The following FHIT variants were observed in gnomAD, a reference collection of about 807,000 sequenced individuals.
The protein encoded by FHIT is bis(5'-adenosyl)-triphosphatase.
In FHIT, 19 loss-of-function variants were observed where a neutral mutation model predicts 17.9. The ratio of observed to expected loss-of-function variants is 1.06; its 90% CI spans 0.74 to 1.56. FHIT has a LOEUF of 1.56. Ranked by LOEUF, FHIT falls within the 40% of genes most tolerant of loss-of-function variation. The pLI is 0.00. For synonymous variants in FHIT, 81 were observed against 69.7 expected (o/e 1.16, Z -0.81); for missense variants, 248 against 189.2 (o/e 1.31, Z -1.82).
chr3:60,527,860 G>A (rs1281027876), intron 5 of FHIT, among the ~76,000 whole-genome samples: 1 of 152,190 alleles, frequency 6.6e-6, no homozygotes, highest in Non-Finnish European at 1.5e-5. Flanking sequence ...AAGGTGAAAT[G>A]AACAATGGAA....
intron 1 of FHIT, among the ~76,000 whole-genome samples, chr3:61,210,531 G>A (rs1156918649): frequency 2.0e-5 from 3 of 152,332 alleles, no homozygotes; most frequent in African/African-American, 7.2e-5. Context: ...CAGCCTCGCT[G>A]CCGCCTTGCA....
At chr3:59,756,307 G>A (rs1701215964) in intron 8 of FHIT, among the ~76,000 whole-genome samples, 1 of 152,162 alleles carries the variant, frequency 6.6e-6, no homozygotes, top group African/African-American at 2.4e-5. Context: ...GGGAGGAAAT[G>A]TACCTCCTTC....
intron 8 of FHIT, 25 bp from the exon 9 acceptor site, chr3:59,752,346 G>C: frequency 1.9e-6 from 3 of 1,572,490 alleles, no homozygotes; most frequent in Non-Finnish European, 2.6e-6. Flanking sequence ...AAAGGAAGAG[G>C]CTCTTTCATG....
intron 5 of FHIT, among the ~76,000 whole-genome samples, chr3:60,411,303 T>C (rs1576614057): frequency 6.6e-6 from 1 of 152,138 alleles, no homozygotes; most frequent in East Asian, 1.9e-4. Flanking sequence ...TATTTCAACT[T>C]GGAAATTAAC....
At chr3:60,811,225 C>T (rs1026621440) in intron 4 of FHIT, among the ~76,000 whole-genome samples, 1 of 152,066 alleles carries the variant, frequency 6.6e-6, no homozygotes, top group Admixed American at 6.6e-5. Context: ...CTACCATGAG[C>T]CTTTATTGGA....
At chr3:60,760,270 G>A (rs1174382752) in intron 4 of FHIT, among the ~76,000 whole-genome samples, 3 of 152,180 alleles carry the variant, frequency 2.0e-5, no homozygotes, top group Non-Finnish European at 2.9e-5. Context: ...CATGAAGGCC[G>A]AGGGTGGAAG....
chr3:61,079,765 C>G (rs1377655292), intron 2 of FHIT, among the ~76,000 whole-genome samples: 4 of 151,928 alleles, frequency 2.6e-5, no homozygotes, highest in African/African-American at 7.2e-5. Context: ...AAAATAGAAC[C>G]AAAAAAATGG....
rs191523055 is a variant in FHIT, at chr3:60,305,140, T to A, written c.103+231720A>T. ...AATATTCCTTTTTGTTCTTTTTTTT[T>A]AAACTTTTATAACATGGGACCTGTT... On this transcript the variant is annotated intron_variant, in intron 5 of 9. Transcript: ENST00000492590. 4.1e-3 allele frequency among the ~76,000 whole-genome samples: 623 copies of A among 152,166 alleles called. 1 individual carries two copies. The highest frequency in any genetic ancestry group is 0.024 in the Middle Eastern group (7 of 294).
At chr3:60,242,455 T>C (rs953765941) in intron 5 of FHIT, among the ~76,000 whole-genome samples, 4 of 152,096 alleles carry the variant, frequency 2.6e-5, no homozygotes, top group African/African-American at 4.8e-5. Context: ...ATGTTCTATA[T>C]TCGTGTGTAT....
intron 3 of FHIT, among the ~76,000 whole-genome samples, chr3:60,913,344 A>G (rs1706839023): frequency 6.6e-6 from 1 of 152,212 alleles, no homozygotes; most frequent in South Asian, 2.1e-4. Context: ...CTTTGAATGG[A>G]TGGGCTTGCC....
At chr3:60,258,368 C>T (rs1280091198) in intron 5 of FHIT, among the ~76,000 whole-genome samples, 1 of 152,102 alleles carries the variant, frequency 6.6e-6, no homozygotes, top group Admixed American at 6.6e-5. Context: ...AGCGGCCTCT[C>T]TAAAACTCCA....
At chr3:60,182,426 TA>T (rs1701977574) in intron 5 of FHIT, among the ~76,000 whole-genome samples, 1 of 152,166 alleles carries the variant, frequency 6.6e-6, no homozygotes, top group Non-Finnish European at 1.5e-5. Context: ...TCCTTCATAT[TA>T]GGTTGCATCT....
At chr3:60,696,890 A>G (rs2041124862) in intron 4 of FHIT, among the ~76,000 whole-genome samples, 1 of 152,184 alleles carries the variant, frequency 6.6e-6, no homozygotes, top group South Asian at 2.1e-4. Flanking sequence ...GTTCTGGAAA[A>G]TCAATGATGC....
At chr3:60,578,094 G>T (rs963412104) in intron 4 of FHIT, among the ~76,000 whole-genome samples, 1 of 151,976 alleles carries the variant, frequency 6.6e-6, no homozygotes, top group African/African-American at 2.4e-5. Context: ...ACAGCACAAG[G>T]AACAGACATT....
At chr3:59,783,923 A>T (rs983508338) in intron 8 of FHIT, among the ~76,000 whole-genome samples, 1 of 152,184 alleles carries the variant, frequency 6.6e-6, no homozygotes, top group Non-Finnish European at 1.5e-5. Context: ...TGGTTTGCAG[A>T]CATTATTTCT....
intron 1 of FHIT, among the ~76,000 whole-genome samples, chr3:61,208,544 A>G (rs1232643375): frequency 6.6e-6 from 1 of 152,048 alleles, no homozygotes; most frequent in African/African-American, 2.4e-5. Flanking sequence ...CTTCTCATTG[A>G]ATTGATCCCT....
At chr3:59,912,747 T>C (rs139042177) in intron 8 of FHIT, among the ~76,000 whole-genome samples, 1 of 152,234 alleles carries the variant, frequency 6.6e-6, no homozygotes, top group Non-Finnish European at 1.5e-5. Context: ...TTCTATGAGT[T>C]CCTTAGTTAC....
At chr3:60,900,939 G>A (rs1335437961) in intron 3 of FHIT, among the ~76,000 whole-genome samples, 3 of 152,086 alleles carry the variant, frequency 2.0e-5, no homozygotes, top group East Asian at 1.9e-4. Context: ...CACCACGCTC[G>A]GCTAATATTT....
At chr3:60,075,879 T>A (rs1039470036) in intron 5 of FHIT, among the ~76,000 whole-genome samples, 1 of 152,130 alleles carries the variant, frequency 6.6e-6, no homozygotes, top group Non-Finnish European at 1.5e-5. Flanking sequence ...TATAATGATG[T>A]CCCTTTTTGA....
Sources: allele counts gnomAD v4.1 joint callset (sites outside exome capture counted in the v4.1 genomes callset), GRCh38; gene constraint gnomAD v4.1.1; transcripts MANE v1.5; gene names NCBI Gene and HGNC (gene_info 2026-07-23, HGNC 2026-07-21).